EDN1: variants seen among roughly 807,000 people sequenced by gnomAD.
EDN1 encodes endothelin-1.
In EDN1, 11 loss-of-function variants were observed where a neutral mutation model predicts 21.7. The observed-to-expected ratio is 0.51, with a 90% CI of 0.32 to 0.84. The LOEUF is 0.84. Ranked by LOEUF, EDN1 falls within the 40% of genes least tolerant of loss-of-function variation. The pLI, the probability that EDN1 is intolerant of heterozygous loss-of-function variation, is 0.03. For missense variants in EDN1, 244 were observed against 262.3 expected (o/e 0.93, Z 0.48); for synonymous variants, 85 against 90.6 (o/e 0.94, Z 0.35).
At chr6:12,242,440 T>A in the EDN1 span, among the ~76,000 whole-genome samples, 1 of 152,320 alleles carries the variant, frequency 6.6e-6, no homozygotes, top group East Asian at 1.9e-4. Flanking sequence ...TCTGCTACTT[T>A]GTGACTGTGT....
In EDN1 at chr6:12,296,788, TATA is replaced by T. The variant is rs1209667288; in HGVS notation, c.*725_*727del. ...TCTGGTCTAATGTGTCAGCAGTAGA[TATA>T]ATATTTTCATGGTAATCTACTAGCT... On this transcript the variant is annotated 3_prime_UTR_variant, in exon 5 of 5. Transcript: ENST00000379375. 12 of 152,422 alleles carry T rather than the reference TATA, an allele frequency of 7.9e-5. No individual in the cohort carries two copies. Among genetic ancestry groups the T allele is most frequent in the Admixed American group, 7.8e-4 (12 of 15,320 alleles). The allele number at this position is 152,422 out of a possible 1,614,324, so 9.4% of individuals were successfully genotyped here. A position where few individuals can be genotyped will look rare whatever the true frequency, so the allele number is the denominator to read the frequency against.
the EDN1 span, among the ~76,000 whole-genome samples, chr6:12,274,269 G>A: frequency 6.6e-6 from 1 of 152,112 alleles, no homozygotes; most frequent in African/African-American, 2.4e-5. Flanking sequence ...AAAGCATAAG[G>A]CAATTAGCAA....
At chr6:12,243,832 T>C in the EDN1 span, among the ~76,000 whole-genome samples, 3 of 152,220 alleles carry the variant, frequency 2.0e-5, no homozygotes, top group African/African-American at 4.8e-5. Flanking sequence ...ACATTCTGAT[T>C]TGAAAATAAA....
chr6:12,282,521 T>C, the EDN1 span, among the ~76,000 whole-genome samples: 1 of 152,212 alleles, frequency 6.6e-6, no homozygotes, highest in East Asian at 1.9e-4. Flanking sequence ...TTTCTCACAC[T>C]CCAGGAAGAA....
the EDN1 span, among the ~76,000 whole-genome samples, chr6:12,281,911 AT>A: frequency 6.3e-3 from 967 of 152,302 alleles, 14 homozygotes; most frequent in Middle Eastern, 0.017. Flanking sequence ...TTGATATCAT[AT>A]CACTTTCAAT....
At chr6:12,272,352 C>A in the EDN1 span, among the ~76,000 whole-genome samples, 2 of 151,832 alleles carry the variant, frequency 1.3e-5, no homozygotes, top group Non-Finnish European at 2.9e-5. Flanking sequence ...AATAAAGAGA[C>A]CATAGGAAGA....
At chr6:12,247,450 TG>T in the EDN1 span, among the ~76,000 whole-genome samples, 1 of 151,780 alleles carries the variant, frequency 6.6e-6, no homozygotes, top group South Asian at 2.1e-4. Context: ...CAAGAGACAA[TG>T]GAAGATACCA....
At chr6:12,284,772 AAAG>A in the EDN1 span, among the ~76,000 whole-genome samples, 1 of 151,764 alleles carries the variant, frequency 6.6e-6, no homozygotes, top group Non-Finnish European at 1.5e-5. Flanking sequence ...AGAAAGAAAG[AAAG>A]AAAGAAAGAA....
At chr6:12,283,237 A>C in the EDN1 span, among the ~76,000 whole-genome samples, 1 of 152,220 alleles carries the variant, frequency 6.6e-6, no homozygotes, top group Non-Finnish European at 1.5e-5. Context: ...TTTTCCCAGC[A>C]TACTCATGTT....
At chr6:12,264,871 C>G in the EDN1 span, among the ~76,000 whole-genome samples, 1 of 152,280 alleles carries the variant, frequency 6.6e-6, no homozygotes, top group Admixed American at 6.5e-5. Context: ...CCCACAAATT[C>G]ATAATATTAA....
At chr6:12,267,550 T>C in the EDN1 span, among the ~76,000 whole-genome samples, 1 of 151,944 alleles carries the variant, frequency 6.6e-6, no homozygotes, top group African/African-American at 2.4e-5. Flanking sequence ...CTGAGAGAGG[T>C]GAGGAAGCTG....
chr6:12,286,460 G>C (rs1225963682), upstream of EDN1, among the ~76,000 whole-genome samples: 1 of 152,198 alleles, frequency 6.6e-6, no homozygotes, highest in Non-Finnish European at 1.5e-5. Flanking sequence ...ATGTATAATA[G>C]TTACCAACCC....
the EDN1 span, among the ~76,000 whole-genome samples, chr6:12,258,468 A>AAAAAAAAAAAAC: frequency 6.6e-6 from 1 of 151,324 alleles, no homozygotes; most frequent in African/African-American, 2.4e-5. Flanking sequence ...AAAAAAAAAA[A>AAAAAAAAAAAAC]AAAGCCAATT....
the EDN1 span, among the ~76,000 whole-genome samples, chr6:12,239,606 C>T: frequency 6.6e-6 from 1 of 152,112 alleles, no homozygotes; most frequent in East Asian, 1.9e-4. Flanking sequence ...TAAAAATCCT[C>T]TGTTGAAAAT....
upstream of EDN1, among the ~76,000 whole-genome samples, chr6:12,287,687 C>CT (rs1491471251): frequency 4.9e-4 from 53 of 107,558 alleles, 2 homozygotes; most frequent in Admixed American, 5.1e-3. Context: ...CTCTCTCTCT[C>CT]CCTCTCTCTC....
chr6:12,259,573 G>T, the EDN1 span, among the ~76,000 whole-genome samples: 1 of 151,770 alleles, frequency 6.6e-6, no homozygotes, highest in African/African-American at 2.4e-5. Context: ...ATCATCTAGA[G>T]AAATAAGTGG....
the EDN1 span, among the ~76,000 whole-genome samples, chr6:12,273,058 A>G: frequency 6.6e-6 from 1 of 152,168 alleles, no homozygotes; most frequent in Middle Eastern, 3.4e-3. Context: ...GCACTAAGTA[A>G]ATTGTGACGA....
At chr6:12,240,084 T>C in the EDN1 span, among the ~76,000 whole-genome samples, 1 of 152,180 alleles carries the variant, frequency 6.6e-6, no homozygotes, top group Non-Finnish European at 1.5e-5. Context: ...TAGGCAGAAT[T>C]GGTAGAATTC....
the EDN1 span, among the ~76,000 whole-genome samples, chr6:12,241,994 C>T: frequency 1.3e-5 from 2 of 152,184 alleles, no homozygotes; most frequent in Non-Finnish European, 2.9e-5. Flanking sequence ...TAAACCATAA[C>T]CCCGTTAGGT....
Sources: gnomAD v4.1 joint callset for allele counts (sites outside exome capture counted in the v4.1 genomes callset) on GRCh38, gnomAD v4.1.1 for gene constraint, MANE v1.5 for transcripts, NCBI Gene and HGNC (gene_info 2026-07-23, HGNC 2026-07-21) for gene names.